ERP44: variants seen among roughly 807,000 people sequenced by gnomAD.
ERP44 encodes endoplasmic reticulum protein 44.
ERP44 carries 25 observed loss-of-function variants against 53.4 expected under a neutral mutation model. That is an observed-to-expected ratio of 0.47 (90% CI 0.34 to 0.65). ERP44 has a LOEUF of 0.65. Among genes scored for constraint, ERP44 ranks in the 30% least tolerant of loss-of-function variants. The probability of loss-of-function intolerance (pLI) is 0.01; values close to 1 mark genes in which losing one functional copy is unlikely to be tolerated. For synonymous variants in ERP44, 145 were observed against 161.2 expected (o/e 0.90, Z 0.76); for missense variants, 338 against 493.2 (o/e 0.69, Z 2.98).
intron 10 of ERP44, among the ~76,000 whole-genome samples, chr9:99,986,277 A>C (rs186201120): frequency 2.5e-3 from 381 of 152,230 alleles, no homozygotes; most frequent in South Asian, 4.4e-3. Context: ...TTTTAAATTA[A>C]AATTGGTTTT....
chr9:100,038,532 C>A (rs778575171), intron 4 of ERP44, among the ~76,000 whole-genome samples: 1 of 151,774 alleles, frequency 6.6e-6, no homozygotes, highest in Non-Finnish European at 1.5e-5. Context: ...AATCATATCA[C>A]CAGAGAAAAT....
At position 99,980,288 on chromosome 9, in the gene ERP44, C is replaced by A. The variant is rs759778991; in HGVS notation, c.*2324G>T. ...AGAAATAATGCTTTATTCAGCTTTA[C>A]ATCTTTCATCATATACTACAGCACC... On this transcript the variant is annotated 3_prime_UTR_variant, in exon 12 of 12. Coordinates refer to ENST00000262455, the MANE Select transcript of ERP44 (RefSeq NM_015051.3). The A allele has an allele frequency of 5.3e-5, 20 of 374,056 alleles. No individual in the cohort carries two copies. The highest frequency in any genetic ancestry group is 8.5e-5 in the Non-Finnish European group (18 of 210,872). The allele number at this position is 374,056 out of a possible 1,614,324, so 23.2% of individuals were successfully genotyped here. A position where few individuals can be genotyped will look rare whatever the true frequency, so the allele number is the denominator to read the frequency against.
At chr9:100,034,407 ACTTTC>A (rs1825828038) in intron 4 of ERP44, among the ~76,000 whole-genome samples, 1 of 152,174 alleles carries the variant, frequency 6.6e-6, no homozygotes, top group Non-Finnish European at 1.5e-5. Context: ...ATTGCCCACC[ACTTTC>A]CTAGAAAACT....
chr9:100,017,326 G>A lies in ERP44; in HGVS notation c.646-888C>T, dbSNP rs182612195. On this transcript the variant is annotated intron_variant, in intron 7 of 11. Transcript: ENST00000262455. ...TTAAGAAACTGAAGCGCGGGGAAGCGAAGAAACTTTCCCAGAGTAACATAC... is the reference window on the plus strand; with the variant it reads ...TTAAGAAACTGAAGCGCGGGGAAGCAAAGAAACTTTCCCAGAGTAACATAC... Among the ~76,000 whole-genome samples, 18 of 152,236 alleles carry A rather than the reference G, an allele frequency of 1.2e-4. No homozygotes were observed. The East Asian group carries it at 1.4e-3, about 11-fold the overall frequency.
intron 1 of ERP44, among the ~76,000 whole-genome samples, chr9:100,068,094 CG>C (rs1193096720): frequency 1.4e-5 from 2 of 146,686 alleles, no homozygotes; most frequent in African/African-American, 2.5e-5. Context: ...GTCAGCCCCC[CG>C]CCCGGCCAGC....
chr9:99,997,311 A>AT (rs1206568623), intron 10 of ERP44, among the ~76,000 whole-genome samples: 2 of 152,082 alleles, frequency 1.3e-5, no homozygotes, highest in African/African-American at 2.4e-5. Flanking sequence ...ACTTTTTAAA[A>AT]TTTTTTTATT....
intron 1 of ERP44, among the ~76,000 whole-genome samples, chr9:100,098,357 G>A (rs577525065): frequency 6.6e-6 from 1 of 152,256 alleles, no homozygotes; most frequent in South Asian, 2.1e-4. Flanking sequence ...CCGCTTCAGG[G>A]ATCTAGACCC....
chr9:100,067,201 T>TC (rs1386357922), intron 1 of ERP44, among the ~76,000 whole-genome samples: 1 of 152,138 alleles, frequency 6.6e-6, no homozygotes. Flanking sequence ...CCCCACGGTC[T>TC]CCCTCTCCCT....
At chr9:100,061,181 GCCTGT>G (rs1826142332) in intron 1 of ERP44, among the ~76,000 whole-genome samples, 1 of 152,186 alleles carries the variant, frequency 6.6e-6, no homozygotes. Context: ...GGTGGCTCAT[GCCTGT>G]AATCCCAGCA....
At position 100,018,311 on chromosome 9, in the gene ERP44, T is replaced by C; in HGVS notation, c.590A>G (p.Asp197Gly). 1 of 1,595,612 alleles carries C rather than the reference T, an allele frequency of 6.3e-7. No individual in the cohort carries two copies. Among genetic ancestry groups the C allele is most frequent in the Non-Finnish European group, 8.6e-7 (1 of 1,163,370 alleles). Residue 197 changes from aspartate (D) to glycine (G), a missense_variant and splice_region_variant, in exon 7 of 12, where the codon GAT (aspartate) becomes GGT (glycine). Transcript: ENST00000262455. ...DDCAFLSAFGDVSKPERYSGD... is the reference protein window; with the variant it reads ...DDCAFLSAFGGVSKPERYSGD... Reference sequence around the variant, plus strand: ...ACTATATCTTTCCGGTTTTGAAACATCCCTATAGGAAGGGAGAAATAGTAA... The same window carrying C: ...ACTATATCTTTCCGGTTTTGAAACACCCCTATAGGAAGGGAGAAATAGTAA...
intron 4 of ERP44, among the ~76,000 whole-genome samples, chr9:100,029,553 A>C (rs1825751367): frequency 6.6e-6 from 1 of 152,226 alleles, no homozygotes; most frequent in South Asian, 2.1e-4. Context: ...AAAGGGAAAC[A>C]TTCACATGTT....
intron 8 of ERP44, among the ~76,000 whole-genome samples, chr9:100,011,894 G>A (rs1042785269): frequency 2.1e-4 from 32 of 152,268 alleles, no homozygotes; most frequent in African/African-American, 7.2e-4. Context: ...GATCAGAAGT[G>A]TTTTGGATTT....
chr9:99,981,576 C>T lies in ERP44; in HGVS notation c.*1036G>A, dbSNP rs1352234051. On this transcript the variant is annotated 3_prime_UTR_variant, in exon 12 of 12. Coordinates refer to ENST00000262455, the MANE Select transcript of ERP44 (RefSeq NM_015051.3). ...AGGGTCCTCTCCCTCTGGTTTTATT[C>T]CCTGGCAGTATTGAGGCCTGGCACA... 3.3e-5 allele frequency: 5 copies of T among 152,590 alleles called. No homozygotes were observed. Among genetic ancestry groups the T allele is most frequent in the African/African-American group, 1.2e-4 (5 of 41,412 alleles). 9.5% of individuals were successfully genotyped at this position (152,590 alleles called of 1,614,324 possible).
At chr9:99,991,723 A>G (rs951636144) in intron 10 of ERP44, among the ~76,000 whole-genome samples, 7 of 152,232 alleles carry the variant, frequency 4.6e-5, no homozygotes, top group African/African-American at 1.7e-4. Context: ...CAATGAATCC[A>G]GGAGCTGGTT....
chr9:100,020,302 C>A (rs1223743218), intron 6 of ERP44, among the ~76,000 whole-genome samples: 1 of 152,128 alleles, frequency 6.6e-6, no homozygotes, highest in Non-Finnish European at 1.5e-5. Flanking sequence ...TGTGGTTACC[C>A]CACAGATTAG....
intron 1 of ERP44, among the ~76,000 whole-genome samples, chr9:100,060,613 T>C (rs1210090570): frequency 6.6e-6 from 1 of 152,182 alleles, no homozygotes; most frequent in Non-Finnish European, 1.5e-5. Context: ...AAGAAAGACT[T>C]TTGCAAGTTG....
intron 4 of ERP44, among the ~76,000 whole-genome samples, chr9:100,047,218 A>G (rs1207767794): frequency 1.3e-5 from 2 of 152,222 alleles, no homozygotes; most frequent in Non-Finnish European, 1.5e-5. Context: ...CATCAAAACT[A>G]TAATCCATTT....
intron 10 of ERP44, among the ~76,000 whole-genome samples, 158 bp from the exon 11 acceptor site, chr9:99,985,227 T>TA (rs1407974975): frequency 6.6e-6 from 1 of 152,232 alleles, no homozygotes; most frequent in African/African-American, 2.4e-5. Context: ...TACACAGTTG[T>TA]AAGCATAGTA....
At chr9:100,088,987 C>T (rs184947622) in intron 1 of ERP44, among the ~76,000 whole-genome samples, 65 of 152,304 alleles carry the variant, frequency 4.3e-4, no homozygotes, top group African/African-American at 1.4e-3. Flanking sequence ...ACAGTCTTTA[C>T]ATTAGTCCCC....
Sources: allele counts gnomAD v4.1 joint callset (sites outside exome capture counted in the v4.1 genomes callset), GRCh38; gene constraint gnomAD v4.1.1; transcripts MANE v1.5; gene names NCBI Gene and HGNC (gene_info 2026-07-23, HGNC 2026-07-21).